The following HSD17B12 variants were observed in gnomAD, a reference collection of about 807,000 sequenced individuals.
HSD17B12 encodes the protein very-long-chain 3-oxoacyl-CoA reductase.
Under a neutral mutation model 39.3 loss-of-function variants are expected in HSD17B12, and 32 were observed. The observed-to-expected ratio is 0.81, with a 90% CI of 0.61 to 1.09. The LOEUF (loss-of-function observed/expected upper bound fraction) is 1.09, where lower values mean the gene tolerates loss of function less well. HSD17B12 is among the 50% of genes least tolerant of loss of function. The pLI, the probability that HSD17B12 is intolerant of heterozygous loss-of-function variation, is 0.00. For synonymous variants in HSD17B12, 150 were observed against 146.7 expected (o/e 1.02, Z -0.16); for missense variants, 342 against 382.9 (o/e 0.89, Z 0.89).
chr11:43,753,984 A>G, intron 2 of HSD17B12, 62 bp from the exon 3 acceptor site: 1 of 1,046,172 alleles, frequency 9.6e-7, no homozygotes, highest in Non-Finnish European at 1.5e-6. Context: ...TGGGGGTTAT[A>G]GCTCATTAAT....
intron 1 of HSD17B12, among the ~76,000 whole-genome samples, chr11:43,696,194 A>T (rs183823478): frequency 2.0e-5 from 3 of 152,160 alleles, no homozygotes; most frequent in Admixed American, 2.0e-4. Flanking sequence ...TTTTTTATGG[A>T]GCAGATAAAT....
At chr11:43,594,539 T>TC in the HSD17B12 span, among the ~76,000 whole-genome samples, 2 of 151,558 alleles carry the variant, frequency 1.3e-5, no homozygotes, top group African/African-American at 4.8e-5. Flanking sequence ...TTTTTTTTTT[T>TC]CCTTCCTTTT....
chr11:43,709,293 G>A (rs962919106), intron 1 of HSD17B12, among the ~76,000 whole-genome samples: 2 of 152,134 alleles, frequency 1.3e-5, no homozygotes, highest in African/African-American at 4.8e-5. Context: ...ACCTGGCTAA[G>A]TTTTGTAATT....
the HSD17B12 span, among the ~76,000 whole-genome samples, chr11:43,642,757 C>A: frequency 6.6e-6 from 1 of 151,784 alleles, no homozygotes; most frequent in African/African-American, 2.4e-5. Context: ...AACTAAAATT[C>A]CAAATATATA....
intron 1 of HSD17B12, among the ~76,000 whole-genome samples, chr11:43,736,112 G>C (rs963510127): frequency 1.3e-5 from 2 of 152,094 alleles, no homozygotes. Flanking sequence ...AAGAGGATGT[G>C]GCATTAACCA....
the HSD17B12 span, chr11:43,673,127 A>ATGC: frequency 6.6e-6 from 1 of 152,220 alleles, no homozygotes; most frequent in Non-Finnish European, 1.5e-5. Flanking sequence ...GTCCCAAAGG[A>ATGC]TTAAACAAGA....
At chr11:43,838,454 CTG>C (rs1951392475) in intron 8 of HSD17B12, 56 bp downstream of exon 8, 2 of 1,281,528 alleles carry the variant, frequency 1.6e-6, no homozygotes, top group African/African-American at 1.5e-5. Flanking sequence ...AATTTTTAGT[CTG>C]AGAAATTAAC....
intron 3 of HSD17B12, among the ~76,000 whole-genome samples, chr11:43,757,138 C>T (rs1950513582): frequency 6.6e-6 from 1 of 152,104 alleles, no homozygotes; most frequent in Non-Finnish European, 1.5e-5. Context: ...TTTGCATGAA[C>T]ATATTTATTC....
At chr11:43,626,126 T>C in the HSD17B12 span, among the ~76,000 whole-genome samples, 2 of 151,670 alleles carry the variant, frequency 1.3e-5, no homozygotes, top group Non-Finnish European at 3.0e-5. Flanking sequence ...TTAAATTGGA[T>C]TTTTAAAACC....
intron 7 of HSD17B12, among the ~76,000 whole-genome samples, chr11:43,837,009 A>G (rs1008487792): frequency 5.3e-5 from 8 of 152,150 alleles, no homozygotes; most frequent in African/African-American, 1.9e-4. Flanking sequence ...AATGGGTTTC[A>G]CAGTTTAGGA....
chr11:43,716,907 T>A (rs1471689939), intron 1 of HSD17B12, among the ~76,000 whole-genome samples: 1 of 151,754 alleles, frequency 6.6e-6, no homozygotes, highest in African/African-American at 2.4e-5. Flanking sequence ...GGTGTGAAGG[T>A]GCTAGTGTTC....
At chr11:43,745,371 A>G (rs1950403753) in intron 1 of HSD17B12, among the ~76,000 whole-genome samples, 1 of 152,206 alleles carries the variant, frequency 6.6e-6, no homozygotes, top group South Asian at 2.1e-4. Flanking sequence ...ATTCTTCAGC[A>G]TATTTTCATT....
chr11:43,631,251 C>T, the HSD17B12 span, among the ~76,000 whole-genome samples: 2 of 152,124 alleles, frequency 1.3e-5, no homozygotes, highest in South Asian at 2.1e-4. Context: ...AAAAAGAAAA[C>T]TAAGATTTTT....
At chr11:43,772,051 G>A (rs879205326) in intron 3 of HSD17B12, among the ~76,000 whole-genome samples, 5 of 151,928 alleles carry the variant, frequency 3.3e-5, no homozygotes, top group Admixed American at 6.6e-5. Context: ...TGTCTCTCTC[G>A]AAAGCTGAAC....
chr11:43,581,525 C>G, the HSD17B12 span: 1 of 460,128 alleles, frequency 2.2e-6, no homozygotes, highest in Non-Finnish European at 4.6e-6. The surrounding 1 kb of genome is among the most constrained non-coding windows in gnomAD (Gnocchi z 4.9). Context: ...ATCGCCGAAG[C>G]CCGCACCTTC....
chr11:43,846,871 T>A (rs748489565), intron 9 of HSD17B12, among the ~76,000 whole-genome samples: 2 of 152,074 alleles, frequency 1.3e-5, no homozygotes, highest in Non-Finnish European at 2.9e-5. Flanking sequence ...AAACTGGAGG[T>A]ATATATCATG....
intron 6 of HSD17B12, among the ~76,000 whole-genome samples, chr11:43,829,116 A>C (rs1225961324): frequency 6.6e-6 from 1 of 152,238 alleles, no homozygotes; most frequent in Non-Finnish European, 1.5e-5. Context: ...ACAAGGACAG[A>C]GAATTTAGAG....
At chr11:43,618,269 T>C in the HSD17B12 span, among the ~76,000 whole-genome samples, 3 of 152,186 alleles carry the variant, frequency 2.0e-5, no homozygotes, top group Non-Finnish European at 2.9e-5. Flanking sequence ...ATTCATTATG[T>C]TTTACTCATG....
chr11:43,715,972 C>G (rs557057481), intron 1 of HSD17B12, among the ~76,000 whole-genome samples: 1 of 152,040 alleles, frequency 6.6e-6, no homozygotes, highest in Non-Finnish European at 1.5e-5. Flanking sequence ...GTCCTTTGAA[C>G]TTTTATAATC....
Sources: gnomAD v4.1 joint callset for allele counts (sites outside exome capture counted in the v4.1 genomes callset) on GRCh38, gnomAD v4.1.1 for gene constraint, Gnocchi (gnomAD v3.1) non-coding constraint, MANE v1.5 for transcripts, NCBI Gene and HGNC (gene_info 2026-07-23, HGNC 2026-07-21) for gene names.